The following RPP30 variants were observed in gnomAD, a reference collection of about 807,000 sequenced individuals.
RPP30 encodes ribonuclease P protein subunit p30.
Under a neutral mutation model 38.6 loss-of-function variants are expected in RPP30, and 36 were observed. The observed-to-expected ratio is 0.93, with a 90% confidence interval of 0.71 to 1.23. The LOEUF (loss-of-function observed/expected upper bound fraction) is 1.23. Ranked by LOEUF, RPP30 falls within the 50% of genes most tolerant of loss-of-function variation. The pLI is 0.00. For missense variants in RPP30, 321 were observed against 321.7 expected (o/e 1.00, Z 0.02); for synonymous variants, 126 against 112.7 (o/e 1.12, Z -0.75).
rs895249059 is a variant in RPP30, at chr10:90,873,616, A to G, written c.83-1253A>G. Reference sequence around the variant, plus strand: ...AGTAGTCTAGGAAAAAGTTTTGTGGAGAAACAGATCCTAGTTGACATTTCT... The same window carrying G: ...AGTAGTCTAGGAAAAAGTTTTGTGGGGAAACAGATCCTAGTTGACATTTCT... On this transcript the variant is annotated intron_variant, in intron 1 of 10. Coordinates refer to ENST00000371703, the MANE Select transcript of RPP30 (RefSeq NM_006413.5). Among the ~76,000 whole-genome samples, 6 of 152,346 alleles carry G rather than the reference A, an allele frequency of 3.9e-5. No homozygotes were observed. In the East Asian group the frequency reaches 1.2e-3, roughly 29 times the overall value.
At chr10:90,879,582 A>G (rs1312203922) in intron 5 of RPP30, among the ~76,000 whole-genome samples, 1 of 152,208 alleles carries the variant, frequency 6.6e-6, no homozygotes, top group African/African-American at 2.4e-5. Context: ...GGTATAGCCC[A>G]TATGCCAGCA....
intron 10 of RPP30, among the ~76,000 whole-genome samples, chr10:90,897,597 T>C (rs1847155261): frequency 6.6e-6 from 1 of 152,200 alleles, no homozygotes; most frequent in Non-Finnish European, 1.5e-5. Flanking sequence ...TGTCATTATT[T>C]TGATCTATTT....
intron 5 of RPP30, among the ~76,000 whole-genome samples, chr10:90,885,517 C>A (rs895551605): frequency 6.6e-6 from 1 of 152,224 alleles, no homozygotes; most frequent in Non-Finnish European, 1.5e-5. Context: ...CTGAGCCTCG[C>A]TCTGCAACCC....
intron 6 of RPP30, among the ~76,000 whole-genome samples, chr10:90,889,735 G>A (rs914154520): frequency 6.6e-6 from 1 of 152,096 alleles, no homozygotes; most frequent in Non-Finnish European, 1.5e-5. Flanking sequence ...GTGAAGGAGG[G>A]CCCAGGAGCT....
rs1413856231 is a variant in RPP30 at position 90,902,179 on chromosome 10, A to T, written c.*1500A>T. On this transcript the variant is annotated 3_prime_UTR_variant, in exon 11 of 11. Coordinates refer to ENST00000371703, the MANE Select transcript of RPP30 (RefSeq NM_006413.5). ...GTTTAAATAAAATATTGATTAAAAA[A>T]ACATTAAAAGTGCATCATGACCAGG... 1 of 922,654 alleles carries T rather than the reference A, an allele frequency of 1.1e-6. No homozygotes were observed. Among genetic ancestry groups the T allele is most frequent in the Admixed American group, 6.1e-5 (1 of 16,386 alleles). The allele number at this position is 922,654 out of a possible 1,614,324, so 57.2% of individuals were successfully genotyped here.
chr10:90,878,333 G>T (rs919853271), intron 4 of RPP30, among the ~76,000 whole-genome samples: 5 of 152,060 alleles, frequency 3.3e-5, no homozygotes, highest in Admixed American at 6.5e-5. Context: ...CAAAATAAGA[G>T]ATTGCAAAAT....
intron 2 of RPP30, 89 bp from the exon 3 acceptor site, chr10:90,875,468 AT>A: frequency 9.8e-7 from 1 of 1,020,810 alleles, no homozygotes; most frequent in Non-Finnish European, 1.5e-6. Context: ...AAAAATGCAT[AT>A]TTTTTCTGAG....
chr10:90,896,044 AAAAT>A, intron 9 of RPP30, 127 bp downstream of exon 9: 1 of 729,186 alleles, frequency 1.4e-6, no homozygotes, highest in Non-Finnish European at 2.3e-6. Context: ...AATAACTTCA[AAAAT>A]AAATTATATA....
At chr10:90,878,408 G>A (rs1414395713) in intron 4 of RPP30, among the ~76,000 whole-genome samples, 1 of 152,020 alleles carries the variant, frequency 6.6e-6, no homozygotes, top group Non-Finnish European at 1.5e-5. Flanking sequence ...GAGATTGTAT[G>A]TTTGTGTATA....
At chr10:90,876,475 G>A (rs1846853786) in intron 4 of RPP30, among the ~76,000 whole-genome samples, 1 of 152,182 alleles carries the variant, frequency 6.6e-6, no homozygotes, top group South Asian at 2.1e-4. Context: ...TGTAAGGAAT[G>A]TTCCAAGGTA....
intron 6 of RPP30, among the ~76,000 whole-genome samples, chr10:90,891,696 C>A (rs565043312): frequency 6.6e-6 from 1 of 152,258 alleles, no homozygotes; most frequent in Admixed American, 6.5e-5. Context: ...GTCAGGACAA[C>A]AATGCAGCAG....
At chr10:90,906,086 C>G (rs1287769969), downstream of RPP30, 1 of 152,128 alleles carries the variant, frequency 6.6e-6, no homozygotes, top group African/African-American at 2.4e-5. Flanking sequence ...TGTGTTGCTT[C>G]CTTTGTTACT....
rs781484809 is a variant in RPP30, at chr10:90,895,502, A to G, written c.579+19A>G. On this transcript the variant is annotated intron_variant, in intron 8 of 10. Transcript: ENST00000371703. ...AGAAAGGGTAAGTCTAGCATGAAGT[A>G]CTTTGTTTTCATCTTTCAGGTTATA... 55 of 1,338,320 alleles carry G rather than the reference A, an allele frequency of 4.1e-5. No individual in the cohort carries two copies. The Middle Eastern group carries it at 5.9e-4, about 14-fold the overall frequency. 82.9% of individuals were successfully genotyped at this position (1,338,320 alleles called of 1,614,324 possible).
Position 90,896,349 on chromosome 10 carries a change from G to A in RPP30, c.654G>A (p.Lys218=), listed in dbSNP as rs570983749. Residue 218 remains lysine (K), a synonymous_variant, in exon 10 of 11, where the codon AAG becomes AAA. Coordinates refer to ENST00000371703, the MANE Select transcript of RPP30 (RefSeq NM_006413.5). The part of the protein sequence containing the change: ...LLFGLSESDA[K]AAVSTNCRAA... ...TTGGGCTCTCTGAAAGTGACGCCAAGGCTGCGGTGTCCACCAACTGCCGAG... is the reference window on the plus strand; with the variant it reads ...TTGGGCTCTCTGAAAGTGACGCCAAAGCTGCGGTGTCCACCAACTGCCGAG... 1.7e-5 allele frequency: 27 copies of A among 1,614,030 alleles called. No homozygotes were observed. The highest frequency in any genetic ancestry group is 2.3e-5 in the Non-Finnish European group (27 of 1,179,992).
At chr10:90,907,079 G>A (rs1847261654), downstream of RPP30, among the ~76,000 whole-genome samples, 1 of 152,100 alleles carries the variant, frequency 6.6e-6, no homozygotes, top group African/African-American at 2.4e-5. Context: ...ATTTATATGT[G>A]GCAACATAAA....
At chr10:90,897,905 C>G (rs1197348654) in intron 10 of RPP30, among the ~76,000 whole-genome samples, 2 of 152,016 alleles carry the variant, frequency 1.3e-5, no homozygotes, top group African/African-American at 4.8e-5. Flanking sequence ...GGTGTCCATC[C>G]CCTCAAGCAT....
downstream of RPP30, among the ~76,000 whole-genome samples, chr10:90,904,215 T>TC (rs1197509359): frequency 6.6e-6 from 1 of 152,176 alleles, no homozygotes; most frequent in Non-Finnish European, 1.5e-5. Context: ...GAGCAGGAAG[T>TC]CCAAGATCAT....
At chr10:90,889,746 C>A (rs1847050990) in intron 6 of RPP30, among the ~76,000 whole-genome samples, 1 of 152,142 alleles carries the variant, frequency 6.6e-6, no homozygotes, top group Non-Finnish European at 1.5e-5. Context: ...CCCAGGAGCT[C>A]TATAGCATAC....
At chr10:90,878,681 T>A (rs959694906) in intron 4 of RPP30, among the ~76,000 whole-genome samples, 5 of 152,106 alleles carry the variant, frequency 3.3e-5, no homozygotes, top group Admixed American at 1.3e-4. Context: ...TTTGCAGTGA[T>A]GGAGTCTCAC....
Sources: gnomAD v4.1 joint callset for allele counts (sites outside exome capture counted in the v4.1 genomes callset) on GRCh38, gnomAD v4.1.1 for gene constraint, MANE v1.5 for transcripts, NCBI Gene and HGNC (gene_info 2026-07-23, HGNC 2026-07-21) for gene names.